The following DCC variants were observed in gnomAD, a reference collection of about 807,000 sequenced individuals.
DCC encodes the protein netrin receptor DCC.
Under a neutral mutation model 172.5 loss-of-function variants are expected in DCC, and 58 were observed. That is an observed-to-expected ratio of 0.34 (90% CI 0.27 to 0.42). The LOEUF (loss-of-function observed/expected upper bound fraction) is 0.42, where lower values mean the gene tolerates loss of function less well. Ranked by LOEUF, DCC falls within the 10% of genes least tolerant of loss-of-function variation. The pLI is 1.00. For missense variants in DCC, 1,740 were observed against 1,791.0 expected, an observed-to-expected ratio of 0.97 and a Z score of 0.51; for synonymous variants, 709 against 644.5, an observed-to-expected ratio of 1.10 and a Z score of -1.52.
At chr18:53,499,596 GATGTCAT>G (rs528677363) in intron 27 of DCC, 86 bp downstream of exon 27, 674 of 1,072,040 alleles carry the variant, frequency 6.3e-4, no homozygotes, top group Non-Finnish European at 9.1e-4. Flanking sequence ...AGAAGGCCTA[GATGTCAT>G]ATATCTTTTC....
chr18:53,138,672 C>T (rs2043783516), intron 7 of DCC, among the ~76,000 whole-genome samples: 2 of 152,108 alleles, frequency 1.3e-5, no homozygotes, highest in Admixed American at 1.3e-4. Context: ...TGGCTCTCTG[C>T]CTTGTAGACT....
intron 1 of DCC, among the ~76,000 whole-genome samples, chr18:52,638,937 A>G (rs1303649680): frequency 6.6e-6 from 1 of 152,184 alleles, no homozygotes; most frequent in African/African-American, 2.4e-5. Context: ...TTTCTCCAAG[A>G]TAGACCATAT....
intron 1 of DCC, among the ~76,000 whole-genome samples, chr18:52,501,015 A>C (rs1224302356): frequency 6.6e-6 from 1 of 152,216 alleles, no homozygotes; most frequent in Non-Finnish European, 1.5e-5. Flanking sequence ...TTAAAATTAT[A>C]GTAGTATCCA....
chr18:52,456,846 C>T (rs1415303108), intron 1 of DCC, among the ~76,000 whole-genome samples: 3 of 152,080 alleles, frequency 2.0e-5, no homozygotes, highest in East Asian at 3.9e-4. Context: ...ACAGAATTCC[C>T]TGTTTTTTGA....
At chr18:52,640,426 G>C (rs183305615) in intron 1 of DCC, among the ~76,000 whole-genome samples, 1 of 152,228 alleles carries the variant, frequency 6.6e-6, no homozygotes, top group East Asian at 1.9e-4. Flanking sequence ...AACTGTCACT[G>C]TTTGCTGATG....
intron 7 of DCC, among the ~76,000 whole-genome samples, chr18:53,099,954 T>C (rs1568304502): frequency 7.5e-6 from 1 of 133,186 alleles, no homozygotes; most frequent in East Asian, 2.0e-4. Context: ...TTTTTTTTTT[T>C]TTTTTTGTTT....
chr18:53,034,158 T>C (rs927365396), intron 5 of DCC, among the ~76,000 whole-genome samples: 3 of 152,048 alleles, frequency 2.0e-5, no homozygotes, highest in African/African-American at 7.2e-5. Flanking sequence ...GCTTTCAAAT[T>C]GTTTATTTAT....
rs1555742489 is a variant in DCC at position 53,267,110 on chromosome 18, T to TCTCA, written c.1912-38467_1912-38466insTCAC. Among the ~76,000 whole-genome samples the TCTCA allele has an allele frequency of 2.4e-3, 325 of 137,430 alleles. 1 individual carries two copies. Among genetic ancestry groups the TCTCA allele is most frequent in the Admixed American group, 0.015 (218 of 14,124 alleles). The allele number at this position is 137,430 out of a possible 152,430, so 90.2% of individuals were successfully genotyped here. A position where few individuals can be genotyped will look rare whatever the true frequency, so the allele number is the denominator to read the frequency against. On this transcript the variant is annotated intron_variant, in intron 12 of 28. Coordinates refer to ENST00000442544, the MANE Select transcript of DCC (RefSeq NM_005215.4). ...TATACACACACACACACTCTCTCTC[T>TCTCA]CACACACACACACACACACACACAT... is the stretch of plus-strand genomic sequence containing the variant.
intron 24 of DCC, among the ~76,000 whole-genome samples, chr18:53,465,131 G>T (rs1173594506): frequency 6.6e-6 from 1 of 151,952 alleles, no homozygotes; most frequent in African/African-American, 2.4e-5. Flanking sequence ...AACTAAAGAG[G>T]AGGAAAGTCT....
chr18:52,372,421 G>T (rs766482109), intron 1 of DCC, among the ~76,000 whole-genome samples: 10 of 152,152 alleles, frequency 6.6e-5, no homozygotes, highest in Non-Finnish European at 1.2e-4. Context: ...GTTCCACAAG[G>T]CACTCCCTGT....
intron 7 of DCC, among the ~76,000 whole-genome samples, chr18:53,074,551 T>C (rs12607343): frequency 0.042 from 6,427 of 152,240 alleles, 304 homozygotes; most frequent in East Asian, 0.24. Flanking sequence ...GATGGTACAT[T>C]TATTCAATAA....
intron 1 of DCC, among the ~76,000 whole-genome samples, chr18:52,516,237 AT>A (rs2031636695): frequency 3.3e-5 from 5 of 152,240 alleles, no homozygotes; most frequent in Non-Finnish European, 5.9e-5. Flanking sequence ...ACTCCTGGGC[AT>A]TTATTTCAGA....
chr18:52,557,260 C>T (rs927678045), intron 1 of DCC, among the ~76,000 whole-genome samples: 11 of 152,242 alleles, frequency 7.2e-5, no homozygotes, highest in African/African-American at 2.6e-4. Context: ...AAAAGGATAG[C>T]GCCTAGGGTT....
rs184277057 is a variant in DCC, at chr18:52,885,228, T to C, written c.413-20816T>C. 1.1e-3 allele frequency among the ~76,000 whole-genome samples: 175 copies of C among 152,262 alleles called. 1 individual carries two copies. In the East Asian group the frequency reaches 0.017, roughly 15 times the overall value. On this transcript the variant is annotated intron_variant, in intron 2 of 28. Coordinates refer to ENST00000442544, the MANE Select transcript of DCC (RefSeq NM_005215.4). The stretch of plus-strand genomic sequence containing the variant: ...CAAGTGGGCAAGCCAGTCATGTTTG[T>C]TCTCCTCCCTTCAGAGTGGCAACTT...
At chr18:52,566,520 A>G (rs1346167669) in intron 1 of DCC, among the ~76,000 whole-genome samples, 2 of 152,132 alleles carry the variant, frequency 1.3e-5, no homozygotes, top group African/African-American at 4.8e-5. Context: ...AGAATAATAA[A>G]CAAAAATTGA....
intron 1 of DCC, among the ~76,000 whole-genome samples, chr18:52,541,468 G>C (rs2032444365): frequency 6.6e-6 from 1 of 152,156 alleles, no homozygotes; most frequent in African/African-American, 2.4e-5. Flanking sequence ...ATTCTGAGAA[G>C]AGAAAAATCT....
At chr18:53,291,220 CA>C (rs1275669420) in intron 12 of DCC, among the ~76,000 whole-genome samples, 2 of 151,894 alleles carry the variant, frequency 1.3e-5, no homozygotes, top group African/African-American at 4.8e-5. Context: ...AAAATTATGT[CA>C]TTTTTTTCTC....
chr18:53,321,270 T>A (rs2057408923), intron 13 of DCC, among the ~76,000 whole-genome samples: 2 of 152,200 alleles, frequency 1.3e-5, no homozygotes, highest in Admixed American at 1.3e-4. Context: ...TCATTTAGTC[T>A]GAGTCTCAAA....
chr18:53,321,916 T>C, intron 13 of DCC, 131 bp from the exon 14 acceptor site: 2 of 733,392 alleles, frequency 2.7e-6, no homozygotes, highest in Non-Finnish European at 5.0e-6. Flanking sequence ...AAATAATCAT[T>C]ACCACAACAG....
Sources: allele counts gnomAD v4.1 joint callset (sites outside exome capture counted in the v4.1 genomes callset), GRCh38; gene constraint gnomAD v4.1.1; transcripts MANE v1.5; gene names NCBI Gene and HGNC (gene_info 2026-07-23, HGNC 2026-07-21).